TNFAIP6: variants seen among roughly 807,000 people sequenced by gnomAD.
The protein encoded by TNFAIP6 is tumor necrosis factor-inducible gene 6 protein.
Under a neutral mutation model 33.7 loss-of-function variants are expected in TNFAIP6, and 36 were observed. The ratio of observed to expected loss-of-function variants is 1.07; its 90% CI spans 0.82 to 1.41. The LOEUF is 1.41. Among genes scored for constraint, TNFAIP6 ranks in the 40% most tolerant of loss-of-function variants. TNFAIP6 has a pLI of 0.00. For missense variants in TNFAIP6, 273 were observed against 331.9 expected, an observed-to-expected ratio of 0.82 and a Z score of 1.38; for synonymous variants, 113 against 112.8, an observed-to-expected ratio of 1.00 and a Z score of -0.01.
intron 4 of TNFAIP6, among the ~76,000 whole-genome samples, chr2:151,372,763 T>C (rs1433735841): frequency 6.6e-6 from 1 of 151,788 alleles, no homozygotes; most frequent in Non-Finnish European, 1.5e-5. Flanking sequence ...CTACTAAAAA[T>C]ACAAAAATTA....
At chr2:151,365,726 T>C (rs189622822) in intron 2 of TNFAIP6, among the ~76,000 whole-genome samples, 1 of 152,308 alleles carries the variant, frequency 6.6e-6, no homozygotes, top group African/African-American at 2.4e-5. Flanking sequence ...TTTTCAAAAT[T>C]GATAATTTCA....
At position 151,357,810 on chromosome 2, in the gene TNFAIP6, A is replaced by G. The variant is rs1270369184; in HGVS notation, c.94+50A>G. ...CTTGTTGAGAATGTCAATTCTTTAA[A>G]TCATGGAGAAGGAAATTTAAAGCAG... is the stretch of plus-strand genomic sequence containing the variant. On this transcript the variant is annotated intron_variant, in intron 1 of 5. Coordinates refer to ENST00000243347, the MANE Select transcript of TNFAIP6 (RefSeq NM_007115.4). The G allele has an allele frequency of 4.2e-6, 5 of 1,191,118 alleles. No homozygotes were observed. The Admixed American group carries it at 8.5e-5, about 20-fold the overall frequency. The allele number at this position is 1,191,118 out of a possible 1,614,324, so 73.8% of individuals were successfully genotyped here. A position where few individuals can be genotyped will look rare whatever the true frequency, so the allele number is the denominator to read the frequency against.
intron 1 of TNFAIP6, among the ~76,000 whole-genome samples, chr2:151,358,659 T>G (rs990520033): frequency 6.6e-6 from 1 of 152,272 alleles, no homozygotes; most frequent in Admixed American, 6.5e-5. Flanking sequence ...ATTTTGATTT[T>G]ATGCTTTCTA....
intron 1 of TNFAIP6, 141 bp downstream of exon 1, chr2:151,357,901 G>A: frequency 2.0e-6 from 1 of 490,194 alleles, no homozygotes; most frequent in South Asian, 3.8e-5. Context: ...ATAGCCTTTG[G>A]AATACATACG....
In TNFAIP6 at chr2:151,370,175, G is replaced by A. The variant is rs776955823; in HGVS notation, c.550G>A (p.Asp184Asn). ...GAGTTTTTTAGATTTTGACCTTGAAGATGACCCAGGTTGCTTGGCTGATTA... is the reference window on the plus strand; with the variant it reads ...GAGTTTTTTAGATTTTGACCTTGAAAATGACCCAGGTTGCTTGGCTGATTA... ...HLSFLDFDLE[D>N]DPGCLADYVE... The change falls in exon 4 of 6, where the codon GAT (aspartate) becomes AAT (asparagine). Residue 184 changes from aspartate (D) to asparagine (N), a missense_variant. Asp to Asn is a conservative substitution (Grantham distance 23). Coordinates refer to ENST00000243347, the MANE Select transcript of TNFAIP6 (RefSeq NM_007115.4). The A allele has an allele frequency of 6.2e-7, 1 of 1,614,152 alleles. No individual in the cohort carries two copies. Among genetic ancestry groups the A allele is most frequent in the Admixed American group, 1.7e-5 (1 of 60,022 alleles).
In TNFAIP6 at chr2:151,371,588, T is replaced by C. The variant is rs573573897; in HGVS notation, c.623+1340T>C. Among the ~76,000 whole-genome samples the C allele has an allele frequency of 7.2e-4, 106 of 147,350 alleles. 2 individuals carry two copies. The highest frequency in any genetic ancestry group is 2.6e-3 in the African/African-American group (101 of 39,452). ...TTTTGTTTTCTTCTTTCTACATCTT[T>C]TTTTCTTTTTTTTTTTCTTTTTTTT... On this transcript the variant is annotated intron_variant, in intron 4 of 5. Transcript: ENST00000243347.
chr2:151,360,778 A>T (rs922554104), intron 1 of TNFAIP6, among the ~76,000 whole-genome samples: 2 of 152,058 alleles, frequency 1.3e-5, no homozygotes, highest in South Asian at 2.1e-4. Context: ...TATAACAAAA[A>T]TTTTTTGCTA....
intron 1 of TNFAIP6, 110 bp downstream of exon 1, chr2:151,357,870 C>A: frequency 3.3e-6 from 2 of 613,770 alleles, no homozygotes; most frequent in African/African-American, 1.9e-5. Flanking sequence ...CTGATGTTCT[C>A]AAAGAAAATG....
At chr2:151,376,920 A>C (rs1684921415) in intron 5 of TNFAIP6, among the ~76,000 whole-genome samples, 2 of 125,164 alleles carry the variant, frequency 1.6e-5, no homozygotes, top group African/African-American at 6.4e-5. Context: ...TCTGTCACCC[A>C]GGCTGGAGTG....
rs559919236 is a variant in TNFAIP6, at chr2:151,375,260, A to C, written c.664+1671A>C. Among the ~76,000 whole-genome samples the C allele has an allele frequency of 2.4e-4, 36 of 151,188 alleles. No individual in the cohort carries two copies. The East Asian group carries it at 4.4e-3, about 19-fold the overall frequency. On this transcript the variant is annotated intron_variant, in intron 5 of 5. Transcript: ENST00000243347. ...ACTTCAAGAAACTGGGAAAAAAAAA[A>C]CCCACACAATTTATCATTCAAAGAG...
rs1029598171 is a variant in TNFAIP6, at chr2:151,362,853, C to T, written c.95-1090C>T. ...TTGGATATTTTAGCTTATTTTTCTA[C>T]GTCATTGTGAGCCTACATAATGGAT... On this transcript the variant is annotated intron_variant, in intron 1 of 5. Transcript: ENST00000243347. 3.9e-5 allele frequency among the ~76,000 whole-genome samples: 6 copies of T among 152,114 alleles called. No individual in the cohort carries two copies. The East Asian group carries it at 5.8e-4, about 15-fold the overall frequency.
downstream of TNFAIP6, among the ~76,000 whole-genome samples, chr2:151,380,885 C>T (rs1022883607): frequency 4.6e-5 from 7 of 152,084 alleles, no homozygotes; most frequent in African/African-American, 7.2e-5. Flanking sequence ...AAACCAATGA[C>T]CTCCTATAAC....
At chr2:151,362,477 A>G (rs1336070362) in intron 1 of TNFAIP6, among the ~76,000 whole-genome samples, 12 of 82,810 alleles carry the variant, frequency 1.4e-4, no homozygotes, top group African/African-American at 5.5e-4. Flanking sequence ...GTCTTACTAA[A>G]TTCTTTTTTT....
Position 151,373,468 on chromosome 2 carries a change from C to T in TNFAIP6, c.624-81C>T, listed in dbSNP as rs1259866424. The T allele has an allele frequency of 4.3e-6, 3 of 698,166 alleles. No individual in the cohort carries two copies. The African/African-American group carries it at 5.5e-5, about 13-fold the overall frequency. 43.2% of individuals were successfully genotyped at this position (698,166 alleles called of 1,614,324 possible). Reference sequence around the variant, plus strand: ...GGAACAATGAGCTATTACTTAGAGGCTTAATTATCAGTAACAGCCACTTTA... The same window carrying T: ...GGAACAATGAGCTATTACTTAGAGGTTTAATTATCAGTAACAGCCACTTTA... On this transcript the variant is annotated intron_variant, in intron 4 of 5. Transcript: ENST00000243347.
At chr2:151,360,715 G>A (rs1013091062) in intron 1 of TNFAIP6, among the ~76,000 whole-genome samples, 30 of 152,224 alleles carry the variant, frequency 2.0e-4, no homozygotes, top group African/African-American at 6.5e-4. Context: ...GAAGTTTGGC[G>A]CTATTAGAGG....
At position 151,363,231 on chromosome 2, in the gene TNFAIP6, G is replaced by A. The variant is rs567653182; in HGVS notation, c.95-712G>A. Among the ~76,000 whole-genome samples the A allele has an allele frequency of 2.5e-4, 38 of 152,216 alleles. 1 individual carries two copies. The East Asian group carries it at 7.1e-3, about 29-fold the overall frequency. ...CTCGGAAGGCTGAGGCAGGAGAATCGCTTGAACCCAGGAGGCGGAGATTGC... is the reference window on the plus strand; with the variant it reads ...CTCGGAAGGCTGAGGCAGGAGAATCACTTGAACCCAGGAGGCGGAGATTGC... On this transcript the variant is annotated intron_variant, in intron 1 of 5. Transcript: ENST00000243347.
At chr2:151,374,792 G>C (rs1201324264) in intron 5 of TNFAIP6, among the ~76,000 whole-genome samples, 1 of 152,146 alleles carries the variant, frequency 6.6e-6, no homozygotes, top group African/African-American at 2.4e-5. Context: ...TGCTGTAGGA[G>C]GTAGTTGGGG....
chr2:151,369,940 C>T (rs981204575), intron 3 of TNFAIP6, 80 bp from the exon 4 acceptor site: 5 of 1,087,044 alleles, frequency 4.6e-6, no homozygotes, highest in Middle Eastern at 2.1e-4. Flanking sequence ...TAATAGATTG[C>T]TAAGAAATGT....
At chr2:151,359,839 C>A (rs1684596354) in intron 1 of TNFAIP6, among the ~76,000 whole-genome samples, 1 of 152,116 alleles carries the variant, frequency 6.6e-6, no homozygotes, top group African/African-American at 2.4e-5. Flanking sequence ...AGTAAAGGAT[C>A]CCTAAGGCTT....
Sources: allele counts gnomAD v4.1 joint callset (sites outside exome capture counted in the v4.1 genomes callset), GRCh38; gene constraint gnomAD v4.1.1; transcripts MANE v1.5; gene names NCBI Gene and HGNC (gene_info 2026-07-23, HGNC 2026-07-21).